TENM2: variants seen among roughly 807,000 people sequenced by gnomAD.
TENM2 encodes teneurin-2.
Under a neutral mutation model 245.2 loss-of-function variants are expected in TENM2, and 52 were observed. The observed-to-expected ratio is 0.21, with a 90% CI of 0.17 to 0.27. The LOEUF is 0.27. Ranked by LOEUF, TENM2 falls within the 10% of genes least tolerant of loss-of-function variation. The probability of loss-of-function intolerance (pLI) is 1.00; values close to 1 mark genes in which losing one functional copy is unlikely to be tolerated. For synonymous variants in TENM2, 1,363 were observed against 1,438.9 expected (o/e 0.95, Z 1.19); for missense variants, 3,046 against 3,666.8 (o/e 0.83, Z 4.37).
chr5:167,020,622 G>T, the TENM2 span, among the ~76,000 whole-genome samples: 1 of 152,180 alleles, frequency 6.6e-6, no homozygotes, highest in Non-Finnish European at 1.5e-5. Context: ...CTGTGCAACT[G>T]ATTGAACCTT....
At chr5:167,551,639 AAAAT>A (rs1280900679) in intron 2 of TENM2, among the ~76,000 whole-genome samples, 1 of 152,086 alleles carries the variant, frequency 6.6e-6, no homozygotes, top group African/African-American at 2.4e-5. Context: ...CACACACACA[AAAAT>A]AAACCCATAA....
chr5:167,448,164 A>G lies in TENM2; in HGVS notation c.502+72691A>G, dbSNP rs778734615. On this transcript the variant is annotated intron_variant, in intron 2 of 28. Transcript: ENST00000518659. Reference sequence around the variant, plus strand: ...AAAATCGCTGCTTATATGCAGCACAATGGCATGTCCCCCCACCCCTACTGG... The same window carrying G: ...AAAATCGCTGCTTATATGCAGCACAGTGGCATGTCCCCCCACCCCTACTGG... Among the ~76,000 whole-genome samples, 74 of 152,116 alleles carry G rather than the reference A, an allele frequency of 4.9e-4. 3 individuals carry two copies. The highest frequency in any genetic ancestry group is 2.1e-4 in the South Asian group (1 of 4,828).
At chr5:168,012,598 T>C (rs576913885) in intron 5 of TENM2, among the ~76,000 whole-genome samples, 2 of 147,208 alleles carry the variant, frequency 1.4e-5, no homozygotes, top group East Asian at 2.0e-4. Context: ...CCATGAGCCA[T>C]GATCATGCCA....
At chr5:167,419,048 A>G (rs1343796573) in intron 2 of TENM2, among the ~76,000 whole-genome samples, 2 of 152,176 alleles carry the variant, frequency 1.3e-5, no homozygotes, top group Non-Finnish European at 2.9e-5. Context: ...AATTATGTAT[A>G]TATTTACATA....
chr5:167,200,685 G>A, the TENM2 span, among the ~76,000 whole-genome samples: 1 of 152,062 alleles, frequency 6.6e-6, no homozygotes, highest in African/African-American at 2.4e-5. Flanking sequence ...GAGAACCGTG[G>A]CATGAGAATG....
chr5:167,318,495 T>C (rs1337246405), intron 1 of TENM2, among the ~76,000 whole-genome samples: 1 of 152,068 alleles, frequency 6.6e-6, no homozygotes, highest in Admixed American at 6.5e-5. Flanking sequence ...TAAGTGCACA[T>C]TATAACTATC....
intron 4 of TENM2, among the ~76,000 whole-genome samples, chr5:167,982,247 A>T (rs935928591): frequency 3.3e-5 from 5 of 152,118 alleles, no homozygotes; most frequent in African/African-American, 1.2e-4. Flanking sequence ...TGACATTTTG[A>T]AAGTATTTCA....
At chr5:167,542,259 G>A (rs1267983759) in intron 2 of TENM2, among the ~76,000 whole-genome samples, 2 of 152,126 alleles carry the variant, frequency 1.3e-5, no homozygotes, top group Admixed American at 6.5e-5. Context: ...TCACTAAGAA[G>A]GCGCTTTGTA....
intron 2 of TENM2, among the ~76,000 whole-genome samples, chr5:167,525,731 A>G (rs1250886619): frequency 6.6e-6 from 1 of 152,108 alleles, no homozygotes; most frequent in Admixed American, 6.6e-5. Flanking sequence ...TTCTCAGATC[A>G]GGAGCTCTAT....
At chr5:168,167,643 G>A (rs1010653308) in intron 13 of TENM2, among the ~76,000 whole-genome samples, 4 of 152,082 alleles carry the variant, frequency 2.6e-5, no homozygotes, top group Admixed American at 2.0e-4. Context: ...TTTTCCCCTC[G>A]TTCCGTTTCA....
At chr5:168,034,830 GAGGAGA>G (rs1787518787) in intron 5 of TENM2, among the ~76,000 whole-genome samples, 1 of 152,128 alleles carries the variant, frequency 6.6e-6, no homozygotes, top group Non-Finnish European at 1.5e-5. Flanking sequence ...GAGCATGCAG[GAGGAGA>G]TCAGCTTAGA....
chr5:167,589,546 A>G (rs1775737579), intron 2 of TENM2, among the ~76,000 whole-genome samples: 1 of 152,158 alleles, frequency 6.6e-6, no homozygotes, highest in Non-Finnish European at 1.5e-5. Context: ...AATAGAAATT[A>G]GCATATTTTA....
chr5:168,021,775 C>CTTTTTTTT (rs10563117), intron 5 of TENM2, among the ~76,000 whole-genome samples: 1 of 143,426 alleles, frequency 7.0e-6, no homozygotes. Flanking sequence ...TATTTGAAAT[C>CTTTTTTTT]TTTTTTTTTT....
chr5:166,989,130 T>G, the TENM2 span, among the ~76,000 whole-genome samples: 1 of 152,026 alleles, frequency 6.6e-6, no homozygotes, highest in African/African-American at 2.4e-5. Context: ...AGTACAGTGG[T>G]GCAATCTCGA....
chr5:167,589,350 T>C (rs1384547675), intron 2 of TENM2, among the ~76,000 whole-genome samples: 1 of 152,178 alleles, frequency 6.6e-6, no homozygotes, highest in East Asian at 1.9e-4. Flanking sequence ...TAGTTGAATA[T>C]TATCAAACTA....
At chr5:168,166,146 G>A (rs61686441) in intron 13 of TENM2, among the ~76,000 whole-genome samples, 6,446 of 152,164 alleles carry the variant, frequency 0.042, 449 homozygotes, top group African/African-American at 0.14. Context: ...GTCCTGCTTC[G>A]TGAGTTATCA....
At chr5:167,467,605 A>C (rs780969537) in intron 2 of TENM2, among the ~76,000 whole-genome samples, 4 of 151,888 alleles carry the variant, frequency 2.6e-5, no homozygotes, top group Non-Finnish European at 4.4e-5. Flanking sequence ...GCCCTTCTAA[A>C]TTTCACGAAC....
intron 2 of TENM2, among the ~76,000 whole-genome samples, chr5:167,465,874 A>G (rs1025289053): frequency 1.3e-5 from 2 of 151,968 alleles, no homozygotes; most frequent in Non-Finnish European, 2.9e-5. Context: ...AGGTCACAAA[A>G]CTACACTATG....
the TENM2 span, among the ~76,000 whole-genome samples, chr5:167,043,638 G>T: frequency 6.6e-6 from 1 of 152,190 alleles, no homozygotes. Context: ...ATTTTACATA[G>T]TCTAGCTAAA....
Sources: allele counts gnomAD v4.1 joint callset (sites outside exome capture counted in the v4.1 genomes callset), GRCh38; gene constraint gnomAD v4.1.1; transcripts MANE v1.5; gene names NCBI Gene and HGNC (gene_info 2026-07-23, HGNC 2026-07-21).